The following SCIN variants were observed in gnomAD, a reference collection of about 807,000 sequenced individuals.
The protein encoded by SCIN is scinderin.
SCIN carries 91 observed loss-of-function variants against 91.8 expected under a neutral mutation model. The observed-to-expected ratio is 0.99, with a 90% CI of 0.84 to 1.18. The LOEUF is 1.18. SCIN is among the 50% of genes most tolerant of loss of function. SCIN has a pLI of 0.00. For missense variants in SCIN, 1,087 were observed against 863.9 expected (o/e 1.26, Z -3.24); for synonymous variants, 367 against 312.6 (o/e 1.17, Z -1.84).
At chr7:12,632,221 C>T (rs1365317598) in intron 9 of SCIN, among the ~76,000 whole-genome samples, 3 of 151,706 alleles carry the variant, frequency 2.0e-5, no homozygotes, top group Non-Finnish European at 4.4e-5. Flanking sequence ...ACCTCCGCCT[C>T]CCGGGTTCAA....
chr7:12,626,235 C>G, intron 7 of SCIN: 1 of 316,158 alleles, frequency 3.2e-6, no homozygotes, highest in East Asian at 6.8e-5. Context: ...TTACTCCTTT[C>G]CTTTCCGAAT....
At chr7:12,645,852 A>G (rs1477436795) in intron 13 of SCIN, among the ~76,000 whole-genome samples, 2 of 152,232 alleles carry the variant, frequency 1.3e-5, no homozygotes, top group Non-Finnish European at 2.9e-5. Context: ...TCTTAAAAGT[A>G]CTAGCTACTT....
intron 10 of SCIN, among the ~76,000 whole-genome samples, chr7:12,637,027 A>G (rs1212265600): frequency 1.3e-5 from 2 of 152,226 alleles, no homozygotes; most frequent in Non-Finnish European, 2.9e-5. Context: ...GGAAAGGACT[A>G]TAGCCCTGCA....
Position 12,651,996 on chromosome 7 carries a change from A to G in SCIN, c.2020+95A>G, listed in dbSNP as rs1007161755. 63 of 790,112 alleles carry G rather than the reference A, an allele frequency of 8.0e-5. 1 individual carries two copies. The highest frequency in any genetic ancestry group is 1.2e-4 in the Non-Finnish European group (58 of 487,700). 48.9% of individuals were successfully genotyped at this position (790,112 alleles called of 1,614,324 possible). On this transcript the variant is annotated intron_variant, in intron 15 of 15. Transcript: ENST00000297029. This position sits in a 1 kb window ranked among gnomAD's most constrained non-coding sequence, Gnocchi z 5.9. ...TTGCCACCATGTCTTACAAAAATAC[A>G]TTTCAAAATCAAGAAGTAGCTTAGC...
intron 3 of SCIN, among the ~76,000 whole-genome samples, chr7:12,585,577 A>G (rs1782570558): frequency 6.6e-6 from 1 of 152,182 alleles, no homozygotes. Context: ...AACTCAACAC[A>G]TCTAGAAAAT....
At chr7:12,604,821 A>G (rs555565395) in intron 4 of SCIN, among the ~76,000 whole-genome samples, 158 bp downstream of exon 4, 1 of 152,200 alleles carries the variant, frequency 6.6e-6, no homozygotes, top group South Asian at 2.1e-4. Context: ...GTAAGAGGAA[A>G]CAACAGGGTT....
chr7:12,592,879 C>A (rs1041271783), intron 3 of SCIN, among the ~76,000 whole-genome samples: 1 of 152,158 alleles, frequency 6.6e-6, no homozygotes, highest in South Asian at 2.1e-4. Context: ...AGCTTACCTG[C>A]TACTAGTAGA....
At chr7:12,650,793 G>T (rs1017405) in intron 14 of SCIN, among the ~76,000 whole-genome samples, 36,358 of 151,992 alleles carry the variant, frequency 0.24, 5,730 homozygotes, top group African/African-American at 0.44. Flanking sequence ...TATAGCATTT[G>T]TACCAACATC....
intron 8 of SCIN, 42 bp downstream of exon 8, chr7:12,626,841 G>A (rs932335261): frequency 4.0e-6 from 6 of 1,512,808 alleles, no homozygotes; most frequent in East Asian, 2.4e-5. Flanking sequence ...ATTAATGCCA[G>A]TGTATGTAGG....
intron 10 of SCIN, among the ~76,000 whole-genome samples, chr7:12,638,391 A>G (rs1411332052): frequency 2.6e-5 from 4 of 152,114 alleles, no homozygotes; most frequent in African/African-American, 9.7e-5. Flanking sequence ...ATCTGCTCCC[A>G]TCTGGTGGGA....
In SCIN at chr7:12,655,757, CA is replaced by C. The variant is rs1437679465; in HGVS notation, c.*3045del. On this transcript the variant is annotated 3_prime_UTR_variant, in exon 16 of 16. Transcript: ENST00000297029. ...CCAAACGTATGTACTAATCTAAAAC[CA>C]AACACATTAGACTAGGTACATGTGG... The C allele has an allele frequency of 6.6e-6, 1 of 152,088 alleles. No homozygotes were observed. Among genetic ancestry groups the C allele is most frequent in the East Asian group, 1.9e-4 (1 of 5,186 alleles). 9.4% of individuals were successfully genotyped at this position (152,088 alleles called of 1,614,324 possible). A position where few individuals can be genotyped will look rare whatever the true frequency, so the allele number is the denominator to read the frequency against.
At chr7:12,643,789 C>T (rs1045119544) in intron 11 of SCIN, among the ~76,000 whole-genome samples, 3 of 152,170 alleles carry the variant, frequency 2.0e-5, no homozygotes, top group South Asian at 2.1e-4. Flanking sequence ...TCAGCTGCTC[C>T]CCCTCAGTCT....
chr7:12,581,010 C>T, intron 2 of SCIN, 50 bp from the exon 3 acceptor site: 1 of 1,528,564 alleles, frequency 6.5e-7, no homozygotes, highest in Non-Finnish European at 8.8e-7. Flanking sequence ...GCAGACACCT[C>T]ATCAGTTTTC....
At chr7:12,610,038 C>T (rs1222596439) in intron 4 of SCIN, among the ~76,000 whole-genome samples, 3 of 152,142 alleles carry the variant, frequency 2.0e-5, no homozygotes, top group Admixed American at 1.3e-4. Flanking sequence ...GGAATAGAAT[C>T]GTGAGGGTCC....
At chr7:12,596,003 G>A (rs1372915861) in intron 3 of SCIN, among the ~76,000 whole-genome samples, 1 of 152,190 alleles carries the variant, frequency 6.6e-6, no homozygotes, top group Non-Finnish European at 1.5e-5. Flanking sequence ...ACAAGTTTCA[G>A]AGCAGGAGTG....
intron 6 of SCIN, 70 bp from the exon 7 acceptor site, chr7:12,625,692 A>G: frequency 9.4e-7 from 1 of 1,063,694 alleles, no homozygotes; most frequent in Non-Finnish European, 1.4e-6. Flanking sequence ...TATGGTACAC[A>G]AGTATTTCTT....
In SCIN at chr7:12,653,869, A is replaced by C. The variant is rs1231472425; in HGVS notation, c.*1154A>C. On this transcript the variant is annotated 3_prime_UTR_variant, in exon 16 of 16. Transcript: ENST00000297029. This position sits in a 1 kb window ranked among gnomAD's most constrained non-coding sequence, Gnocchi z 4.1. ...TTTTCCATTCTTCCCTTTTCTAAGT[A>C]ATAATTTTTATCGCAGTTACCCTGA... The C allele has an allele frequency of 6.6e-6, 1 of 152,216 alleles. No homozygotes were observed. The highest frequency in any genetic ancestry group is 1.5e-5 in the Non-Finnish European group (1 of 68,040). The allele number at this position is 152,216 out of a possible 1,614,324, so 9.4% of individuals were successfully genotyped here. A position where few individuals can be genotyped will look rare whatever the true frequency, so the allele number is the denominator to read the frequency against.
rs1248317337 is a variant in SCIN at position 12,656,582 on chromosome 7, C to A, written c.*3867C>A. 6.6e-6 allele frequency: 1 copy of A among 152,128 alleles called. No homozygotes were observed. The highest frequency in any genetic ancestry group is 2.4e-5 in the African/African-American group (1 of 41,418). The allele number at this position is 152,128 out of a possible 1,614,324, so 9.4% of individuals were successfully genotyped here. On this transcript the variant is annotated 3_prime_UTR_variant, in exon 16 of 16. Coordinates refer to ENST00000297029, the MANE Select transcript of SCIN (RefSeq NM_001112706.3). ...TAAAACGGACAACTCAGAGAAAAAACTGGCTTATAAATGCACTTCACAAAA... is the reference window on the plus strand; with the variant it reads ...TAAAACGGACAACTCAGAGAAAAAAATGGCTTATAAATGCACTTCACAAAA...
chr7:12,587,407 A>C (rs974348218), intron 3 of SCIN, among the ~76,000 whole-genome samples: 15 of 152,184 alleles, frequency 9.9e-5, no homozygotes, highest in African/African-American at 3.1e-4. Context: ...AGTCCTCACT[A>C]ATCTATAACC....
Sources: allele counts gnomAD v4.1 joint callset (sites outside exome capture counted in the v4.1 genomes callset), GRCh38; gene constraint gnomAD v4.1.1; non-coding constraint Gnocchi (gnomAD v3.1); transcripts MANE v1.5; gene names NCBI Gene and HGNC (gene_info 2026-07-23, HGNC 2026-07-21).